RPGRIP1: variants seen among roughly 807,000 people sequenced by gnomAD.
RPGRIP1 encodes the protein RPGR interacting protein 1.
In RPGRIP1, 128 loss-of-function variants were observed where a neutral mutation model predicts 157.9. The observed-to-expected ratio is 0.81, with a 90% CI of 0.70 to 0.94. The LOEUF is 0.94. RPGRIP1 is among the 40% of genes least tolerant of loss of function. The pLI, the probability that RPGRIP1 is intolerant of heterozygous loss-of-function variation, is 0.00. For missense variants in RPGRIP1, 1,486 were observed against 1,545.8 expected, an observed-to-expected ratio of 0.96 and a Z score of 0.65; for synonymous variants, 554 against 571.6, an observed-to-expected ratio of 0.97 and a Z score of 0.44.
intron 3 of RPGRIP1, among the ~76,000 whole-genome samples, chr14:21,300,509 A>T (rs1046924218): frequency 1.3e-5 from 2 of 152,158 alleles, no homozygotes; most frequent in African/African-American, 4.8e-5. Context: ...TAAAGGAGTT[A>T]TCCTTAATTT....
At chr14:21,321,206 T>C in intron 12 of RPGRIP1, 53 bp from the exon 13 acceptor site, 2 of 1,544,572 alleles carry the variant, frequency 1.3e-6, no homozygotes, top group Non-Finnish European at 1.8e-6. Context: ...GAATCATTAT[T>C]ACTTTACCTG....
chr14:21,314,983 C>T (rs894339390), intron 10 of RPGRIP1, among the ~76,000 whole-genome samples: 2 of 151,136 alleles, frequency 1.3e-5, no homozygotes, highest in South Asian at 2.1e-4. Context: ...GAGATTGCAC[C>T]ACTGCACTCC....
chr14:21,350,272 G>A (rs755897554), intron 24 of RPGRIP1, among the ~76,000 whole-genome samples: 3 of 151,698 alleles, frequency 2.0e-5, no homozygotes, highest in Non-Finnish European at 4.4e-5. Context: ...CCAGCTACTC[G>A]GAAGGATGAG....
Position 21,351,190 on chromosome 14 carries a change from G to A in RPGRIP1, c.3835G>A (p.Glu1279Lys), listed in dbSNP as rs1886250993. The A allele has an allele frequency of 1.2e-6, 2 of 1,608,424 alleles. No individual in the cohort carries two copies. Among genetic ancestry groups the A allele is most frequent in the South Asian group, 1.1e-5 (1 of 90,366 alleles). The stretch of plus-strand genomic sequence containing the variant: ...TGCTGTCCTCCATGCTATTTACAAG[G>A]AGATGACTGAAGATTTGTTTTCATG... ...AAAVLHAIYK[E>K]MTEDLFS The change falls in exon 25 of 25, where the codon GAG becomes AAG. Residue 1279 changes from glutamate (E) to lysine (K), a missense_variant. By Grantham distance (56) the Glu-to-Lys change is moderately conservative. Transcript: ENST00000400017.
At position 21,325,813 on chromosome 14, in the gene RPGRIP1, T is replaced by A. The variant is rs1432278909; in HGVS notation, c.2368-18T>A. The A allele has an allele frequency of 1.3e-6, 2 of 1,591,898 alleles. No individual in the cohort carries two copies. The highest frequency in any genetic ancestry group is 2.3e-5 in the South Asian group (2 of 88,284). On this transcript the variant is annotated intron_variant, in intron 16 of 24. Coordinates refer to ENST00000400017, the MANE Select transcript of RPGRIP1 (RefSeq NM_020366.4). ...TCAAGCTGCCCTTTTCCTCAATCCA[T>A]GACCAACATCTTTCCAGTTCAGATC...
intron 1 of RPGRIP1, among the ~76,000 whole-genome samples, chr14:21,282,312 C>G (rs1020507286): frequency 6.6e-6 from 1 of 152,056 alleles, no homozygotes. Flanking sequence ...TCTCACCTCA[C>G]TGCAATCTCT....
At chr14:21,302,042 T>G (rs921213331) in intron 4 of RPGRIP1, among the ~76,000 whole-genome samples, 1 of 152,176 alleles carries the variant, frequency 6.6e-6, no homozygotes, top group Non-Finnish European at 1.5e-5. Context: ...AGTACTCACT[T>G]ATTTTGCTTA....
chr14:21,309,191 A>G (rs779179693), intron 7 of RPGRIP1, among the ~76,000 whole-genome samples: 9 of 152,186 alleles, frequency 5.9e-5, no homozygotes, highest in East Asian at 1.9e-4. Flanking sequence ...ATTATTTTTA[A>G]TAACTCCTTT....
At chr14:21,330,459 G>A (rs574689374) in intron 20 of RPGRIP1, 72 bp downstream of exon 20, 111 of 1,086,322 alleles carry the variant, frequency 1.0e-4, no homozygotes, top group Non-Finnish European at 1.3e-4. Flanking sequence ...ACGAGATCAG[G>A]CTTTCAAGAG....
rs573418252 is a variant in RPGRIP1, at chr14:21,326,081, A to G, written c.2618A>G (p.His873Arg). 2.7e-5 allele frequency: 43 copies of G among 1,613,540 alleles called. No individual in the cohort carries two copies. The East Asian group carries it at 8.5e-4, about 32-fold the overall frequency. Reference protein sequence around the residue: ...HYLRREALSIHVFDDEDLEPG... With the variant: ...HYLRREALSIRVFDDEDLEPG... ...CTGAGACGGGAGGCCTTGTCTATACATGTTTTTGATGATGAAGACTTAGAG... is the reference window on the plus strand; with the variant it reads ...CTGAGACGGGAGGCCTTGTCTATACGTGTTTTTGATGATGAAGACTTAGAG... The change falls in exon 17 of 25, where the codon CAT (histidine) becomes CGT (arginine). Residue 873 changes from histidine (H) to arginine (R), a missense_variant. Physicochemically the swap from His to Arg is conservative, Grantham distance 29 (BLOSUM62 0). Transcript: ENST00000400017.
intron 3 of RPGRIP1, among the ~76,000 whole-genome samples, chr14:21,300,737 A>C (rs1280458873): frequency 7.8e-6 from 1 of 128,634 alleles, no homozygotes; most frequent in African/African-American, 3.2e-5. Flanking sequence ...TTTTTTACTA[A>C]GATAAGGGTG....
intron 21 of RPGRIP1, among the ~76,000 whole-genome samples, chr14:21,339,136 A>G (rs57090707): frequency 0.021 from 3,170 of 151,254 alleles, 67 homozygotes; most frequent in East Asian, 0.13. Context: ...ACTCTATCTC[A>G]AAAAATTGTT....
chr14:21,314,311 T>G (rs1881671884), intron 10 of RPGRIP1, among the ~76,000 whole-genome samples: 1 of 152,116 alleles, frequency 6.6e-6, no homozygotes, highest in African/African-American at 2.4e-5. Context: ...CTCAAACTCC[T>G]GGGCTCAAGT....
rs765961614 is a variant in RPGRIP1 at position 21,300,929 on chromosome 14, C to T, written c.219-37C>T. On this transcript the variant is annotated intron_variant, in intron 3 of 24. Transcript: ENST00000400017. ...AATAACCCGTAGAAATAATAACTGT[C>T]ATGAAAGGAGAAGCCACGTGCTCTA... The T allele has an allele frequency of 1.9e-6, 3 of 1,602,420 alleles. No individual in the cohort carries two copies. The East Asian group carries it at 6.7e-5, about 36-fold the overall frequency.
intron 7 of RPGRIP1, 124 bp downstream of exon 7, chr14:21,307,960 C>T (rs1594180325): frequency 1.6e-6 from 1 of 620,492 alleles, no homozygotes; most frequent in Non-Finnish European, 2.9e-6. Flanking sequence ...TAAGTGATAT[C>T]ACACAATTTA....
intron 3 of RPGRIP1, among the ~76,000 whole-genome samples, chr14:21,299,606 T>G (rs1346234968): frequency 6.6e-6 from 1 of 152,218 alleles, no homozygotes; most frequent in Non-Finnish European, 1.5e-5. Flanking sequence ...ATAAGCTTAT[T>G]AATCCTCACA....
rs1886260398 is a variant in RPGRIP1 at position 21,351,260 on chromosome 14, T to TA, written c.*45dup. The stretch of plus-strand genomic sequence containing the variant: ...AATCTAAAAGTCTCTGAGGGAACCA[T>TA]AGTAAAAAGTCTCTTATAAAGTTAG... On this transcript the variant is annotated 3_prime_UTR_variant, in exon 25 of 25. Transcript: ENST00000400017. The TA allele has an allele frequency of 1.6e-6, 2 of 1,220,096 alleles. No homozygotes were observed. The highest frequency in any genetic ancestry group is 4.0e-5 in the Admixed American group (2 of 50,614). The allele number at this position is 1,220,096 out of a possible 1,614,324, so 75.6% of individuals were successfully genotyped here.
Position 21,341,161 on chromosome 14 carries a change from G to T in RPGRIP1, c.3340-1875G>T, listed in dbSNP as rs150846916. ...GATTCTCATGTCAGCCTCCCGAGTA[G>T]CTGGGATTACAGGCATGAGCCACCA... On this transcript the variant is annotated intron_variant, in intron 21 of 24. Coordinates refer to ENST00000400017, the MANE Select transcript of RPGRIP1 (RefSeq NM_020366.4). 3.5e-3 allele frequency among the ~76,000 whole-genome samples: 529 copies of T among 152,242 alleles called. 4 individuals are homozygous for T. The highest frequency in any genetic ancestry group is 0.01 in the African/African-American group (429 of 41,552).
At chr14:21,343,866 GTTTTTTTTTTTT>G (rs67535379) in intron 22 of RPGRIP1, among the ~76,000 whole-genome samples, 3 of 50,438 alleles carry the variant, frequency 5.9e-5, no homozygotes, top group African/African-American at 7.7e-5. Context: ...CTCTTTTCCT[GTTTTTTTTTTTT>G]TTTTTTTTTT....
Sources: allele counts gnomAD v4.1 joint callset (sites outside exome capture counted in the v4.1 genomes callset), GRCh38; gene constraint gnomAD v4.1.1; transcripts MANE v1.5; gene names NCBI Gene and HGNC (gene_info 2026-07-23, HGNC 2026-07-21).